Variants in ODR4 observed in about 807,000 individuals in gnomAD.
ODR4 encodes odr-4 GPCR localization factor homolog.
A neutral mutation model predicts 60.2 loss-of-function variants in ODR4; 47 were observed. The ratio of observed to expected loss-of-function variants is 0.78; its 90% CI spans 0.62 to 1.00. ODR4 has a LOEUF of 1.00. Ranked by LOEUF, ODR4 falls within the 50% of genes least tolerant of loss-of-function variation. The pLI is 0.00. For missense variants in ODR4, 488 were observed against 530.8 expected (o/e 0.92, Z 0.79); for synonymous variants, 178 against 175.5 (o/e 1.01, Z -0.11).
chr1:186,413,000 G>T (rs1408826724), intron 12 of ODR4, among the ~76,000 whole-genome samples: 4 of 152,042 alleles, frequency 2.6e-5, no homozygotes, highest in Non-Finnish European at 2.9e-5. Flanking sequence ...TAAACCATAA[G>T]AAAGTGGAGC....
chr1:186,398,296 CA>C lies in ODR4; in HGVS notation c.781-16del. ...TCATTGTTGGTTATTAGAACTTAAA[CA>C]GATTTTGTCTTTCAGCTCCTGAATT... is the stretch of plus-strand genomic sequence containing the variant. On this transcript the variant is annotated splice_polypyrimidine_tract_variant and intron_variant, in intron 9 of 13. Transcript: ENST00000287859. 1 of 1,561,678 alleles carries C rather than the reference CA, an allele frequency of 6.4e-7. No individual in the cohort carries two copies.
intron 8 of ODR4, among the ~76,000 whole-genome samples, chr1:186,392,821 G>C (rs1660519188): frequency 6.6e-6 from 1 of 152,150 alleles, no homozygotes; most frequent in African/African-American, 2.4e-5. Flanking sequence ...TGGTCAGCAT[G>C]GTGAAACCCT....
intron 5 of ODR4, 110 bp downstream of exon 5, chr1:186,388,658 T>C: frequency 1.7e-6 from 1 of 587,204 alleles, no homozygotes; most frequent in Non-Finnish European, 2.9e-6. Flanking sequence ...GGCATAGTTT[T>C]GTAAGATTTT....
chr1:186,384,721 CT>C (rs1175441980), intron 3 of ODR4, among the ~76,000 whole-genome samples: 1 of 152,008 alleles, frequency 6.6e-6, no homozygotes, highest in African/African-American at 2.4e-5. Context: ...AAAATGGTTA[CT>C]TTTTTGTGTT....
chr1:186,399,468 C>T (rs572907994), intron 11 of ODR4, among the ~76,000 whole-genome samples: 4 of 152,158 alleles, frequency 2.6e-5, no homozygotes, highest in East Asian at 3.9e-4. Context: ...TTTGGCTTCC[C>T]GAAGTGCTGG....
intron 11 of ODR4, among the ~76,000 whole-genome samples, chr1:186,404,436 C>T (rs1400259325): frequency 1.3e-5 from 2 of 152,048 alleles, no homozygotes; most frequent in African/African-American, 2.4e-5. Context: ...TTCAGATAGA[C>T]CAAGAATTGA....
chr1:186,416,729 G>A (rs565857842), intron 12 of ODR4, among the ~76,000 whole-genome samples: 5 of 150,194 alleles, frequency 3.3e-5, no homozygotes, highest in East Asian at 2.0e-4. Flanking sequence ...GGTGGCAGGC[G>A]GCTGTAATCC....
chr1:186,420,854 A>G lies in ODR4; in HGVS notation c.*1778A>G, dbSNP rs1661747821. 1 of 152,208 alleles carries G rather than the reference A, an allele frequency of 6.6e-6. No homozygotes were observed. Among genetic ancestry groups the G allele is most frequent in the Admixed American group, 6.5e-5 (1 of 15,280 alleles). 9.4% of individuals were successfully genotyped at this position (152,208 alleles called of 1,614,324 possible). A position where few individuals can be genotyped will look rare whatever the true frequency, so the allele number is the denominator to read the frequency against. ...AGTACTTGAAAGATAACACAATTTTACAAATTTGTTGGAAAAACATGAATT... is the reference window on the plus strand; with the variant it reads ...AGTACTTGAAAGATAACACAATTTTGCAAATTTGTTGGAAAAACATGAATT... On this transcript the variant is annotated 3_prime_UTR_variant, in exon 14 of 14. Coordinates refer to ENST00000287859, the MANE Select transcript of ODR4 (RefSeq NM_017847.6).
At chr1:186,396,672 T>C (rs1253521493) in intron 9 of ODR4, among the ~76,000 whole-genome samples, 1 of 151,744 alleles carries the variant, frequency 6.6e-6, no homozygotes, top group Non-Finnish European at 1.5e-5. Context: ...AATATGTGTG[T>C]GTATAGTCTT....
intron 12 of ODR4, among the ~76,000 whole-genome samples, chr1:186,407,756 G>C (rs1661223946): frequency 6.6e-6 from 1 of 151,978 alleles, no homozygotes; most frequent in African/African-American, 2.4e-5. Flanking sequence ...CCTACCTTAA[G>C]CTGTTCATTT....
At chr1:186,383,701 A>G (rs921091333) in intron 3 of ODR4, among the ~76,000 whole-genome samples, 3 of 149,862 alleles carry the variant, frequency 2.0e-5, no homozygotes, top group Middle Eastern at 3.2e-3. Context: ...ATATATATGG[A>G]CATATATTTG....
At chr1:186,384,113 C>T (rs1038664238) in intron 3 of ODR4, among the ~76,000 whole-genome samples, 1 of 152,044 alleles carries the variant, frequency 6.6e-6, no homozygotes, top group African/African-American at 2.4e-5. Flanking sequence ...TAAGGAATAC[C>T]TAAGACTGAG....
At position 186,390,757 on chromosome 1, in the gene ODR4, C is replaced by A. The variant is rs751180543; in HGVS notation, c.521C>A (p.Ser174Tyr). The A allele has an allele frequency of 2.5e-6, 4 of 1,613,214 alleles. No individual in the cohort carries two copies. In the Admixed American group the frequency reaches 5.0e-5, roughly 20 times the overall value. The stretch of plus-strand genomic sequence containing the variant: ...TGGAAGTATCAAAGTGGATTATCAT[C>A]CTCATGGCTTTCTTTAGAGTGTACA... ...ADWKYQSGLS[S>Y]SWLSLECTVH... The change falls in exon 7 of 14, where the codon TCC becomes TAC. Residue 174 changes from serine (S) to tyrosine (Y), a missense_variant. Ser to Tyr is a moderately radical substitution (Grantham distance 144). Coordinates refer to ENST00000287859, the MANE Select transcript of ODR4 (RefSeq NM_017847.6).
rs116549108 is a variant in ODR4 at position 186,409,864 on chromosome 1, T to A, written c.1186+3596T>A. On this transcript the variant is annotated intron_variant, in intron 12 of 13. Coordinates refer to ENST00000287859, the MANE Select transcript of ODR4 (RefSeq NM_017847.6). ...CAGCCAATAGAGTTTTTTAAAAAAA[T>A]GTCTGTGTAGATACTATGTTTTTAC... Among the ~76,000 whole-genome samples the A allele has an allele frequency of 1.7e-3, 261 of 152,244 alleles. 2 individuals are homozygous for A. Among genetic ancestry groups the A allele is most frequent in the African/African-American group, 5.8e-3 (242 of 41,576 alleles).
At chr1:186,379,623 G>C in intron 1 of ODR4, 144 bp from the exon 2 acceptor site, 1 of 488,374 alleles carries the variant, frequency 2.0e-6, no homozygotes, top group South Asian at 3.3e-5. Flanking sequence ...TTGCAAGAAG[G>C]AATACACTAT....
At chr1:186,428,522 C>T in the ODR4 span, among the ~76,000 whole-genome samples, 3 of 152,190 alleles carry the variant, frequency 2.0e-5, no homozygotes, top group African/African-American at 7.2e-5. Context: ...AGCAATAAGG[C>T]TATTTCACTT....
chr1:186,415,166 AAAAAG>A (rs1208481321), intron 12 of ODR4, among the ~76,000 whole-genome samples: 1 of 152,156 alleles, frequency 6.6e-6, no homozygotes, highest in African/African-American at 2.4e-5. Context: ...AAGAAAAAGA[AAAAAG>A]AATAGTGGTG....
At position 186,391,681 on chromosome 1, in the gene ODR4, T is replaced by C; in HGVS notation, c.616-15T>C. 6.6e-7 allele frequency: 1 copy of C among 1,515,342 alleles called. No homozygotes were observed. The allele number at this position is 1,515,342 out of a possible 1,614,324, so 93.9% of individuals were successfully genotyped here. ...CATTGTATCTGAAAGATTTCCATGT[T>C]GTGTTTCTGTTAAGAATGGACTTAC... On this transcript the variant is annotated splice_polypyrimidine_tract_variant and intron_variant, in intron 7 of 13. Transcript: ENST00000287859.
Position 186,416,855 on chromosome 1 carries a change from CAAAAAAAAA to C in ODR4, c.1187-676_1187-668del, listed in dbSNP as rs71104859. 1.5e-4 allele frequency among the ~76,000 whole-genome samples: 13 copies of C among 85,720 alleles called. No individual in the cohort carries two copies. In the East Asian group the frequency reaches 4.0e-3, roughly 26 times the overall value. 56.2% of individuals were successfully genotyped at this position (85,720 alleles called of 152,430 possible). On this transcript the variant is annotated intron_variant, in intron 12 of 13. Coordinates refer to ENST00000287859, the MANE Select transcript of ODR4 (RefSeq NM_017847.6). The stretch of plus-strand genomic sequence containing the variant: ...TGGGTGACAGAGTAGGATTCTGTCT[CAAAAAAAAA>C]AAAAAAAAAAAAGTAAATTAATCTC...
Sources: gnomAD v4.1 joint callset for allele counts (sites outside exome capture counted in the v4.1 genomes callset) on GRCh38, gnomAD v4.1.1 for gene constraint, MANE v1.5 for transcripts, NCBI Gene and HGNC (gene_info 2026-07-23, HGNC 2026-07-21) for gene names.